Variants in AGBL4 observed in about 807,000 individuals in gnomAD.
The protein encoded by AGBL4 is cytosolic carboxypeptidase 6.
Under a neutral mutation model 66.4 loss-of-function variants are expected in AGBL4, and 58 were observed. That is an observed-to-expected ratio of 0.87 (90% CI 0.71 to 1.09). The LOEUF (loss-of-function observed/expected upper bound fraction) is 1.09, where lower values mean the gene tolerates loss of function less well. Ranked by LOEUF, AGBL4 falls within the 50% of genes least tolerant of loss-of-function variation. AGBL4 has a pLI of 0.00. For missense variants in AGBL4, 579 were observed against 631.0 expected (o/e 0.92, Z 0.88); for synonymous variants, 234 against 222.9 (o/e 1.05, Z -0.44).
chr1:49,582,797 C>T (rs1200401713), intron 3 of AGBL4, among the ~76,000 whole-genome samples: 1 of 152,132 alleles, frequency 6.6e-6, no homozygotes, highest in Non-Finnish European at 1.5e-5. Context: ...GATTCATCTC[C>T]CTTATTGCGG....
intron 4 of AGBL4, among the ~76,000 whole-genome samples, chr1:49,232,522 C>T (rs1557751017): frequency 1.3e-5 from 2 of 151,920 alleles, no homozygotes; most frequent in African/African-American, 4.8e-5. Context: ...CACGTTGAAA[C>T]CCTGTCTCTA....
intron 5 of AGBL4, among the ~76,000 whole-genome samples, chr1:48,935,071 T>G (rs1157261600): frequency 6.6e-6 from 1 of 152,220 alleles, no homozygotes; most frequent in Admixed American, 6.5e-5. Context: ...TCAATTTTGG[T>G]TATAGCCTGC....
intron 5 of AGBL4, among the ~76,000 whole-genome samples, chr1:48,999,671 G>A (rs1487827696): frequency 1.3e-5 from 2 of 152,018 alleles, no homozygotes; most frequent in Non-Finnish European, 2.9e-5. Context: ...CTCTCACTGG[G>A]TCTCTACAAT....
At chr1:49,504,573 C>A (rs1381017682) in intron 3 of AGBL4, among the ~76,000 whole-genome samples, 1 of 151,748 alleles carries the variant, frequency 6.6e-6, no homozygotes, top group African/African-American at 2.4e-5. Context: ...GATGAGTTTA[C>A]CCCTCTCTCA....
At chr1:49,496,415 GAATAC>G (rs1267235768) in intron 3 of AGBL4, among the ~76,000 whole-genome samples, 2 of 151,850 alleles carry the variant, frequency 1.3e-5, no homozygotes, top group African/African-American at 4.8e-5. Flanking sequence ...TGATTTTAAA[GAATAC>G]AATACATTGT....
intron 1 of AGBL4, among the ~76,000 whole-genome samples, chr1:49,960,561 T>C (rs1247010712): frequency 6.6e-6 from 1 of 152,090 alleles, no homozygotes; most frequent in African/African-American, 2.4e-5. Context: ...AGAAGGAAGA[T>C]ATTGTATGTT....
At chr1:49,220,459 TG>T (rs1649410246) in intron 4 of AGBL4, among the ~76,000 whole-genome samples, 1 of 152,192 alleles carries the variant, frequency 6.6e-6, no homozygotes, top group African/African-American at 2.4e-5. Context: ...GGAGAATATC[TG>T]TCTTTAAAAA....
At chr1:49,758,756 C>G (rs1228263160) in intron 2 of AGBL4, among the ~76,000 whole-genome samples, 2 of 150,846 alleles carry the variant, frequency 1.3e-5, no homozygotes, top group African/African-American at 4.9e-5. Flanking sequence ...GGGCTTCTCT[C>G]AGATAAAACT....
intron 11 of AGBL4, among the ~76,000 whole-genome samples, chr1:48,567,745 G>A (rs757128730): frequency 4.6e-5 from 7 of 152,202 alleles, no homozygotes; most frequent in Admixed American, 6.5e-5. Context: ...CAGATGGCAC[G>A]TCTTTGGCTG....
chr1:48,944,717 A>G (rs1171554906), intron 5 of AGBL4, among the ~76,000 whole-genome samples: 1 of 151,972 alleles, frequency 6.6e-6, no homozygotes, highest in Non-Finnish European at 1.5e-5. Context: ...GGATTCTAAT[A>G]CTGTCTTGCC....
intron 2 of AGBL4, among the ~76,000 whole-genome samples, chr1:49,802,266 G>A (rs1221909994): frequency 6.6e-6 from 1 of 152,042 alleles, no homozygotes; most frequent in African/African-American, 2.4e-5. Flanking sequence ...ACATCGGGGG[G>A]GGTCGCCTGT....
intron 1 of AGBL4, among the ~76,000 whole-genome samples, chr1:49,936,936 G>A (rs1406966917): frequency 5.3e-5 from 8 of 152,102 alleles, no homozygotes; most frequent in Non-Finnish European, 8.8e-5. Flanking sequence ...ATCAACTAAC[G>A]AGCAAAATAA....
At chr1:48,952,513 C>T (rs1442952782) in intron 5 of AGBL4, among the ~76,000 whole-genome samples, 1 of 152,188 alleles carries the variant, frequency 6.6e-6, no homozygotes, top group Non-Finnish European at 1.5e-5. Context: ...CCGGAGGACG[C>T]TGGGGTAAGA....
intron 4 of AGBL4, among the ~76,000 whole-genome samples, chr1:49,167,055 AC>A (rs1646648695): frequency 6.6e-6 from 1 of 152,084 alleles, no homozygotes; most frequent in Non-Finnish European, 1.5e-5. Flanking sequence ...CTCTTACCTA[AC>A]CTTTTCCACA....
chr1:49,072,437 G>A (rs991421189), intron 4 of AGBL4, among the ~76,000 whole-genome samples: 2 of 152,144 alleles, frequency 1.3e-5, no homozygotes, highest in African/African-American at 4.8e-5. Flanking sequence ...GGCAGGCCTG[G>A]TGGTGACAAA....
At chr1:49,285,771 A>T (rs1046893421) in intron 3 of AGBL4, among the ~76,000 whole-genome samples, 3 of 152,200 alleles carry the variant, frequency 2.0e-5, no homozygotes, top group Non-Finnish European at 4.4e-5. Context: ...GAAAATCTAG[A>T]AGAAATGGAT....
intron 3 of AGBL4, among the ~76,000 whole-genome samples, chr1:49,311,628 T>TCCAG (rs1266708819): frequency 6.6e-6 from 1 of 152,082 alleles, no homozygotes; most frequent in African/African-American, 2.4e-5. Flanking sequence ...AGGCACTCCA[T>TCCAG]GTTCCTGGAT....
intron 6 of AGBL4, among the ~76,000 whole-genome samples, chr1:48,747,369 A>G (rs1429990973): frequency 6.6e-6 from 1 of 152,224 alleles, no homozygotes. Context: ...AGCTTTTAAA[A>G]AGTATGAAAG....
intron 3 of AGBL4, among the ~76,000 whole-genome samples, chr1:49,462,041 C>G (rs983508928): frequency 6.6e-6 from 1 of 151,828 alleles, no homozygotes; most frequent in African/African-American, 2.4e-5. Flanking sequence ...TGAGGAATCA[C>G]CACACCATCT....
Sources: gnomAD v4.1 joint callset for allele counts (sites outside exome capture counted in the v4.1 genomes callset) on GRCh38, gnomAD v4.1.1 for gene constraint, MANE v1.5 for transcripts, NCBI Gene and HGNC (gene_info 2026-07-23, HGNC 2026-07-21) for gene names.